RNF4: variants seen among roughly 807,000 people sequenced by gnomAD.
RNF4 encodes ring finger protein 4.
Under a neutral mutation model 24.3 loss-of-function variants are expected in RNF4, and 7 were observed. The ratio of observed to expected loss-of-function variants is 0.29; its 90% CI spans 0.16 to 0.54. RNF4 has a LOEUF of 0.54. RNF4 is among the 20% of genes least tolerant of loss of function. RNF4 has a pLI of 0.95. For synonymous variants in RNF4, 83 were observed against 84.3 expected, an observed-to-expected ratio of 0.98 and a Z score of 0.09; for missense variants, 209 against 248.5, an observed-to-expected ratio of 0.84 and a Z score of 1.07.
rs544164869 is a variant in RNF4 at position 2,479,008 on chromosome 4, A to G, written c.-158+9750A>G. On this transcript the variant is annotated intron_variant, in intron 1 of 7. Coordinates refer to ENST00000314289, the MANE Select transcript of RNF4 (RefSeq NM_002938.5). ...CAAAGCCACAGGGGTGGAGCTGCCT[A>G]AGGCCATGGGAACTCACCTCTTGGA... Among the ~76,000 whole-genome samples, 6 of 152,310 alleles carry G rather than the reference A, an allele frequency of 3.9e-5. No homozygotes were observed. In the East Asian group the frequency reaches 9.7e-4, roughly 25 times the overall value.
At chr4:2,486,177 G>A (rs1164853136) in intron 1 of RNF4, among the ~76,000 whole-genome samples, 1 of 152,172 alleles carries the variant, frequency 6.6e-6, no homozygotes, top group African/African-American at 2.4e-5. Context: ...CTTACTGGGT[G>A]ATGTGAGGAG....
intron 4 of RNF4, among the ~76,000 whole-genome samples, chr4:2,504,878 A>G: frequency 6.6e-6 from 1 of 151,728 alleles, no homozygotes; most frequent in East Asian, 1.9e-4. Flanking sequence ...GACTACAGGC[A>G]CGCACCACCA....
At chr4:2,507,953 G>T (rs770630301) in intron 4 of RNF4, among the ~76,000 whole-genome samples, 1 of 152,046 alleles carries the variant, frequency 6.6e-6, no homozygotes, top group East Asian at 1.9e-4. Context: ...CTCCCAGGTT[G>T]AAGAGATCCT....
intron 1 of RNF4, among the ~76,000 whole-genome samples, chr4:2,487,828 T>C (rs1479955115): frequency 6.6e-6 from 1 of 152,170 alleles, no homozygotes; most frequent in Non-Finnish European, 1.5e-5. Context: ...GGATTTCCCC[T>C]CTAAACCATT....
intron 3 of RNF4, among the ~76,000 whole-genome samples, chr4:2,499,176 G>A (rs1466297033): frequency 1.3e-5 from 2 of 152,054 alleles, no homozygotes; most frequent in South Asian, 2.1e-4. Context: ...CTGCCTGGAC[G>A]ACAGAGCGAG....
At chr4:2,488,032 T>TA (rs1246730210) in intron 1 of RNF4, among the ~76,000 whole-genome samples, 1 of 152,162 alleles carries the variant, frequency 6.6e-6, no homozygotes, top group Non-Finnish European at 1.5e-5. Flanking sequence ...CTAACTTCGT[T>TA]ATAGCTGCCT....
At position 2,513,791 on chromosome 4, in the gene RNF4, A is replaced by G. The variant is rs1347203415; in HGVS notation, c.545A>G (p.His182Arg). The change falls in exon 8 of 8, where the codon CAC (histidine) becomes CGC (arginine). Residue 182 changes from histidine to arginine, a missense_variant. His to Arg is a conservative substitution (Grantham distance 29). Coordinates refer to ENST00000314289, the MANE Select transcript of RNF4 (RefSeq NM_002938.5). ...CCAACTTGTAGGAAAAAGATCAACCACAAACGGTACCACCCCATTTATATA... is the reference window on the plus strand; with the variant it reads ...CCAACTTGTAGGAAAAAGATCAACCGCAAACGGTACCACCCCATTTATATA... Reference protein sequence around the residue: ...TCPTCRKKINHKRYHPIYI With the variant: ...TCPTCRKKINRKRYHPIYI 6.2e-7 allele frequency: 1 copy of G among 1,614,006 alleles called. No individual in the cohort carries two copies. Among genetic ancestry groups the G allele is most frequent in the Admixed American group, 1.7e-5 (1 of 60,018 alleles).
At chr4:2,499,296 T>G (rs1735839763) in intron 3 of RNF4, 1 of 451,280 alleles carries the variant, frequency 2.2e-6, no homozygotes, top group South Asian at 1.6e-5. Flanking sequence ...GTTGTTGTTG[T>G]TTGTTTGTTT....
intron 4 of RNF4, 133 bp from the exon 5 acceptor site, chr4:2,511,823 G>T (rs775625177): frequency 3.7e-4 from 308 of 839,106 alleles, no homozygotes; most frequent in Admixed American, 1.0e-3. Context: ...GTGGGAGGAG[G>T]GTGGGGCCTC....
In RNF4 at chr4:2,512,576, A is replaced by C; in HGVS notation, c.353A>C (p.Asp118Ala). The stretch of plus-strand genomic sequence containing the variant: ...ACCCATACTCCCAGAAACGCCAGGG[A>C]TGAGGGCGCTACAGGCCTCAGGTAC... ...VTTHTPRNAR[D>A]EGATGLRPSG... is the part of the protein sequence containing the mutation. Residue 118 changes from aspartate (D) to alanine (A), a missense_variant, in exon 6 of 8, where the codon GAT (aspartate) becomes GCT (alanine). Coordinates refer to ENST00000314289, the MANE Select transcript of RNF4 (RefSeq NM_002938.5). This position sits in a 1 kb window ranked among gnomAD's most constrained non-coding sequence, Gnocchi z 4.1. 1 of 1,613,858 alleles carries C rather than the reference A, an allele frequency of 6.2e-7. No individual in the cohort carries two copies. Among genetic ancestry groups the C allele is most frequent in the Non-Finnish European group, 8.5e-7 (1 of 1,179,800 alleles).
At chr4:2,513,166 G>A (rs751237758) in intron 7 of RNF4, 35 bp downstream of exon 7, 2 of 1,596,694 alleles carry the variant, frequency 1.3e-6, no homozygotes, top group Admixed American at 1.7e-5. Context: ...CAGGCTTCTG[G>A]TTTCTAAACT....
intron 3 of RNF4, among the ~76,000 whole-genome samples, chr4:2,499,687 C>T (rs1735850806): frequency 6.6e-6 from 1 of 152,090 alleles, no homozygotes; most frequent in Non-Finnish European, 1.5e-5. Flanking sequence ...TGGTCCATGT[C>T]CTTCTCACCT....
rs915634846 is a variant in RNF4 at position 2,514,162 on chromosome 4, T to TC, written c.*346dup. 3.6e-6 allele frequency: 1 copy of TC among 274,368 alleles called. No homozygotes were observed. Among genetic ancestry groups the TC allele is most frequent in the Non-Finnish European group, 7.1e-6 (1 of 141,228 alleles). The allele number at this position is 274,368 out of a possible 1,614,324, so 17.0% of individuals were successfully genotyped here. A position where few individuals can be genotyped will look rare whatever the true frequency, so the allele number is the denominator to read the frequency against. Reference sequence around the variant, plus strand: ...CTGTTTGGAAAGTTTGCCCCAGCTTTCCCGGGCACACCACCTTTTGTCCCA... The same window carrying TC: ...CTGTTTGGAAAGTTTGCCCCAGCTTTCCCCGGGCACACCACCTTTTGTCCCA... On this transcript the variant is annotated 3_prime_UTR_variant, in exon 8 of 8. Coordinates refer to ENST00000314289, the MANE Select transcript of RNF4 (RefSeq NM_002938.5).
chr4:2,491,925 G>A (rs1310229341), intron 2 of RNF4, among the ~76,000 whole-genome samples: 1 of 151,342 alleles, frequency 6.6e-6, no homozygotes, highest in African/African-American at 2.4e-5. Context: ...TTGGCCAGGT[G>A]CGGTGGCTTA....
At chr4:2,472,441 T>C (rs1482957556) in intron 1 of RNF4, among the ~76,000 whole-genome samples, 1 of 152,156 alleles carries the variant, frequency 6.6e-6, no homozygotes, top group African/African-American at 2.4e-5. Context: ...ATTTCAACTC[T>C]CAAATCTTAC....
In RNF4 at chr4:2,512,264, A is replaced by G. The variant is rs1445331553; in HGVS notation, c.215-174A>G. On this transcript the variant is annotated intron_variant, in intron 5 of 7. Coordinates refer to ENST00000314289, the MANE Select transcript of RNF4 (RefSeq NM_002938.5). This position sits in a 1 kb window ranked among gnomAD's most constrained non-coding sequence, Gnocchi z 4.1. ...GGGGTTTCTCCTGGGAAGATAAGAT[A>G]GTGGCCTCCAGAGCTGGGCAGAACC... The G allele has an allele frequency of 5.5e-5, 42 of 769,272 alleles. No individual in the cohort carries two copies. The highest frequency in any genetic ancestry group is 2.5e-5 in the Admixed American group (1 of 39,948). 47.7% of individuals were successfully genotyped at this position (769,272 alleles called of 1,614,324 possible).
rs1293296142 is a variant in RNF4 at position 2,515,544 on chromosome 4, C to T, written c.*1725C>T. On this transcript the variant is annotated 3_prime_UTR_variant, in exon 8 of 8. Transcript: ENST00000314289. ...GCAAGGCAACCTTGGAGTCAGTCCA[C>T]TCATAAAATATGGTAACACCCATTT... is the stretch of plus-strand genomic sequence containing the variant. The T allele has an allele frequency of 1.3e-5, 2 of 152,228 alleles. No individual in the cohort carries two copies. Among genetic ancestry groups the T allele is most frequent in the African/African-American group, 4.8e-5 (2 of 41,428 alleles). The allele number at this position is 152,228 out of a possible 1,614,324, so 9.4% of individuals were successfully genotyped here. A position where few individuals can be genotyped will look rare whatever the true frequency, so the allele number is the denominator to read the frequency against.
At chr4:2,478,971 G>C (rs1290828075) in intron 1 of RNF4, among the ~76,000 whole-genome samples, 1 of 152,250 alleles carries the variant, frequency 6.6e-6, no homozygotes, top group African/African-American at 2.4e-5. Context: ...CCGGGAGGGA[G>C]GCTGTACTCT....
intron 3 of RNF4, among the ~76,000 whole-genome samples, chr4:2,499,629 G>A (rs1156832059): frequency 1.3e-5 from 2 of 152,018 alleles, no homozygotes; most frequent in African/African-American, 4.8e-5. Flanking sequence ...AAAAATGGTT[G>A]TGCGTCATTT....
Sources: allele counts gnomAD v4.1 joint callset (sites outside exome capture counted in the v4.1 genomes callset), GRCh38; gene constraint gnomAD v4.1.1; non-coding constraint Gnocchi (gnomAD v3.1); transcripts MANE v1.5; gene names NCBI Gene and HGNC (gene_info 2026-07-23, HGNC 2026-07-21).